The following KCNAB1 variants were observed in gnomAD, a reference collection of about 807,000 sequenced individuals.
KCNAB1 encodes potassium voltage-gated channel subfamily A regulatory beta subunit 1, also known as voltage-gated potassium channel subunit beta-1.
Under a neutral mutation model 64.6 loss-of-function variants are expected in KCNAB1, and 35 were observed. The ratio of observed to expected loss-of-function variants is 0.54; its 90% CI spans 0.41 to 0.72. The LOEUF (loss-of-function observed/expected upper bound fraction) is 0.72. Among genes scored for constraint, KCNAB1 ranks in the 30% least tolerant of loss-of-function variants. KCNAB1 has a pLI of 0.00. For synonymous variants in KCNAB1, 177 were observed against 183.8 expected, an observed-to-expected ratio of 0.96 and a Z score of 0.30; for missense variants, 401 against 512.9, an observed-to-expected ratio of 0.78 and a Z score of 2.11.
chr3:156,231,690 G>A (rs1008948571), intron 1 of KCNAB1, among the ~76,000 whole-genome samples: 6 of 151,828 alleles, frequency 4.0e-5, no homozygotes, highest in Admixed American at 3.9e-4. Flanking sequence ...ATAAAACTTG[G>A]TCTTCACAAT....
chr3:156,278,752 A>G (rs1264673995), intron 1 of KCNAB1, among the ~76,000 whole-genome samples: 1 of 151,960 alleles, frequency 6.6e-6, no homozygotes, highest in African/African-American at 2.4e-5. Flanking sequence ...GAGCATCAAA[A>G]CTCGCAGAGT....
At chr3:156,465,311 A>G (rs1373888537) in intron 6 of KCNAB1, among the ~76,000 whole-genome samples, 1 of 152,274 alleles carries the variant, frequency 6.6e-6, no homozygotes, top group Non-Finnish European at 1.5e-5. Context: ...AAGCCTTTTT[A>G]TTTTCTCTAG....
intron 1 of KCNAB1, chr3:156,217,006 A>T (rs1198972934): frequency 6.6e-6 from 1 of 152,234 alleles, no homozygotes; most frequent in Non-Finnish European, 1.5e-5. Flanking sequence ...GTACAAGTGT[A>T]ATCAGGTCCA....
At chr3:156,212,830 G>C (rs77538658) in intron 1 of KCNAB1, among the ~76,000 whole-genome samples, 2,400 of 152,222 alleles carry the variant, frequency 0.016, 46 homozygotes, top group Non-Finnish European at 0.019. Context: ...GAGGGAAGGT[G>C]GTGAGAAGTG....
intron 1 of KCNAB1, among the ~76,000 whole-genome samples, chr3:156,125,270 G>A (rs1293216691): frequency 1.3e-5 from 2 of 152,104 alleles, no homozygotes; most frequent in East Asian, 3.8e-4. Context: ...TGTATTTAAG[G>A]CCTATGAAGA....
chr3:156,536,609 T>A, intron 13 of KCNAB1, 49 bp from the exon 14 acceptor site: 1 of 1,296,002 alleles, frequency 7.7e-7, no homozygotes, highest in African/African-American at 1.5e-5. Context: ...AAAAACCGAA[T>A]GATCAACACT....
intron 12 of KCNAB1, among the ~76,000 whole-genome samples, chr3:156,527,041 G>A (rs1426467600): frequency 1.3e-5 from 2 of 152,166 alleles, no homozygotes; most frequent in Non-Finnish European, 2.9e-5. Flanking sequence ...GTTGCAATTA[G>A]CAGTCATAGA....
At chr3:156,321,796 T>G (rs1396004284) in intron 1 of KCNAB1, among the ~76,000 whole-genome samples, 1 of 152,220 alleles carries the variant, frequency 6.6e-6, no homozygotes, top group Non-Finnish European at 1.5e-5. Context: ...AAAACTGTGT[T>G]TTAAAGAAAC....
At chr3:156,335,209 C>T (rs1723603931) in intron 1 of KCNAB1, among the ~76,000 whole-genome samples, 1 of 152,238 alleles carries the variant, frequency 6.6e-6, no homozygotes, top group African/African-American at 2.4e-5. Flanking sequence ...TTCCTTCAAT[C>T]CAGGATGCAT....
At chr3:156,489,066 A>G (rs570574285) in intron 8 of KCNAB1, among the ~76,000 whole-genome samples, 6 of 152,184 alleles carry the variant, frequency 3.9e-5, no homozygotes, top group East Asian at 1.9e-4. Flanking sequence ...TGAGTTTGAA[A>G]TGTTTATTAG....
intron 10 of KCNAB1, 116 bp downstream of exon 10, chr3:156,515,336 A>G: frequency 3.4e-6 from 3 of 891,218 alleles, no homozygotes; most frequent in Non-Finnish European, 5.0e-6. Flanking sequence ...TAATTAACAT[A>G]GACATTGTAA....
chr3:156,538,263 T>G lies in KCNAB1; in HGVS notation c.*1516T>G, dbSNP rs1719201866. On this transcript the variant is annotated 3_prime_UTR_variant, in exon 14 of 14. Coordinates refer to ENST00000490337, the MANE Select transcript of KCNAB1 (RefSeq NM_172160.3). Reference sequence around the variant, plus strand: ...AGCAAGTTCCCCACACAGAAATCACTCTGAGGTTTACAGAAGAACTGTAAT... The same window carrying G: ...AGCAAGTTCCCCACACAGAAATCACGCTGAGGTTTACAGAAGAACTGTAAT... 1 of 151,128 alleles carries G rather than the reference T, an allele frequency of 6.6e-6. No homozygotes were observed. Among genetic ancestry groups the G allele is most frequent in the Admixed American group, 6.6e-5 (1 of 15,110 alleles). The allele number at this position is 151,128 out of a possible 1,614,324, so 9.4% of individuals were successfully genotyped here.
At chr3:156,467,086 A>G (rs1713464781) in intron 7 of KCNAB1, among the ~76,000 whole-genome samples, 1 of 152,084 alleles carries the variant, frequency 6.6e-6, no homozygotes, top group Non-Finnish European at 1.5e-5. Context: ...AAACACTTAC[A>G]TTGCCCTACA....
At chr3:156,186,809 T>A (rs1713224027) in intron 1 of KCNAB1, among the ~76,000 whole-genome samples, 1 of 151,496 alleles carries the variant, frequency 6.6e-6, no homozygotes, top group Non-Finnish European at 1.5e-5. Flanking sequence ...ACTCCTCTCC[T>A]GACTTTTAGG....
rs34671816 is a variant in KCNAB1 at position 156,338,303 on chromosome 3, C to CTTTTTTTTTTTTTTTTTT, written c.276-83303_276-83286dup. ...TCTTATACTTTCTTTGGCATTTGCA[C>CTTTTTTTTTTTTTTTTTT]TTTTTTTTTTTTTTTTTTTTTTTTT... On this transcript the variant is annotated intron_variant, in intron 1 of 13. Transcript: ENST00000490337. Among the ~76,000 whole-genome samples, 351 of 39,466 alleles carry CTTTTTTTTTTTTTTTTTT rather than the reference C, an allele frequency of 8.9e-3. 101 individuals are homozygous for CTTTTTTTTTTTTTTTTTT. The highest frequency in any genetic ancestry group is 0.038 in the East Asian group (44 of 1,168). 25.9% of individuals were successfully genotyped at this position (39,466 alleles called of 152,430 possible).
intron 4 of KCNAB1, 150 bp downstream of exon 4, chr3:156,457,682 A>G (rs1030495359): frequency 1.9e-5 from 13 of 673,322 alleles, no homozygotes; most frequent in Admixed American, 7.4e-5. Context: ...CACCATTACT[A>G]GAATTGGGGA....
intron 1 of KCNAB1, among the ~76,000 whole-genome samples, chr3:156,357,988 C>G (rs1725369168): frequency 6.6e-6 from 1 of 151,788 alleles, no homozygotes. Flanking sequence ...CCAAGTTGTT[C>G]CAGACACAGT....
chr3:156,151,499 C>G (rs1715408832), intron 1 of KCNAB1, among the ~76,000 whole-genome samples: 1 of 152,118 alleles, frequency 6.6e-6, no homozygotes, highest in Admixed American at 6.5e-5. Flanking sequence ...AAAATAATTT[C>G]AAACATAAGG....
intron 1 of KCNAB1, among the ~76,000 whole-genome samples, chr3:156,230,799 G>A (rs1296615930): frequency 6.6e-6 from 1 of 152,202 alleles, no homozygotes. Flanking sequence ...TTATTTGTGA[G>A]AATTACATAT....
Sources: allele counts gnomAD v4.1 joint callset (sites outside exome capture counted in the v4.1 genomes callset), GRCh38; gene constraint gnomAD v4.1.1; transcripts MANE v1.5; gene names NCBI Gene and HGNC (gene_info 2026-07-23, HGNC 2026-07-21).